The following CAMK4 variants were observed in gnomAD, a reference collection of about 807,000 sequenced individuals.
CAMK4 encodes the protein calcium/calmodulin dependent protein kinase IV.
Under a neutral mutation model 44.9 loss-of-function variants are expected in CAMK4, and 22 were observed. The observed-to-expected ratio is 0.49, with a 90% CI of 0.35 to 0.70. CAMK4 has a LOEUF of 0.70. Ranked by LOEUF, CAMK4 falls within the 30% of genes least tolerant of loss-of-function variation. The pLI, the probability that CAMK4 is intolerant of heterozygous loss-of-function variation, is 0.01. For synonymous variants in CAMK4, 218 were observed against 215.4 expected (o/e 1.01, Z -0.11); for missense variants, 498 against 586.8 (o/e 0.85, Z 1.56).
intron 5 of CAMK4, among the ~76,000 whole-genome samples, chr5:111,433,188 T>C (rs1753523534): frequency 6.6e-6 from 1 of 152,204 alleles, no homozygotes; most frequent in African/African-American, 2.4e-5. Flanking sequence ...ATATATTCTT[T>C]GGGTCAGGAC....
At chr5:111,352,023 A>G (rs768720897) in intron 2 of CAMK4, among the ~76,000 whole-genome samples, 17 of 152,048 alleles carry the variant, frequency 1.1e-4, no homozygotes, top group Non-Finnish European at 1.5e-5. Context: ...TTGTCTCTTC[A>G]TATAAGCGTG....
In CAMK4 at chr5:111,494,841, T is replaced by C. The variant is rs1454282319; in HGVS notation, c.*10375T>C. 6.6e-6 allele frequency: 1 copy of C among 152,146 alleles called. No individual in the cohort carries two copies. Among genetic ancestry groups the C allele is most frequent in the Non-Finnish European group, 1.5e-5 (1 of 68,030 alleles). The allele number at this position is 152,146 out of a possible 1,614,324, so 9.4% of individuals were successfully genotyped here. On this transcript the variant is annotated 3_prime_UTR_variant, in exon 11 of 11. Coordinates refer to ENST00000282356, the MANE Select transcript of CAMK4 (RefSeq NM_001744.6). ...CTTGCTGCTGGGAAATGTAAAGCAG[T>C]TGGCATGTAGAATACGATAATAAAT...
At chr5:111,309,362 T>C (rs1748100912) in intron 1 of CAMK4, among the ~76,000 whole-genome samples, 1 of 152,164 alleles carries the variant, frequency 6.6e-6, no homozygotes, top group African/African-American at 2.4e-5. Flanking sequence ...ATCAAAGATG[T>C]GCATTTGTGG....
intron 7 of CAMK4, among the ~76,000 whole-genome samples, chr5:111,461,712 T>C (rs751273897): frequency 5.4e-5 from 8 of 147,446 alleles, no homozygotes; most frequent in Non-Finnish European, 8.9e-5. Context: ...CCCTCCTCCT[T>C]CCCAGAGGCA....
At chr5:111,449,334 G>C (rs1754148644) in intron 7 of CAMK4, 131 bp downstream of exon 7, 1 of 510,786 alleles carries the variant, frequency 2.0e-6, no homozygotes, top group East Asian at 3.3e-5. Context: ...ATCTCTATGA[G>C]GAAGGCATAC....
chr5:111,393,668 G>C (rs1189825770), intron 4 of CAMK4, among the ~76,000 whole-genome samples: 1 of 152,084 alleles, frequency 6.6e-6, no homozygotes, highest in Non-Finnish European at 1.5e-5. Context: ...TAAGTGATGA[G>C]AATACATGGA....
At chr5:111,406,216 C>CTCTT (rs1183304460) in intron 5 of CAMK4, among the ~76,000 whole-genome samples, 1 of 150,000 alleles carries the variant, frequency 6.7e-6, no homozygotes, top group Non-Finnish European at 1.5e-5. Flanking sequence ...CTCTCTCTCT[C>CTCTT]TCTCTCTCGT....
intron 7 of CAMK4, among the ~76,000 whole-genome samples, chr5:111,472,410 G>T (rs905640906): frequency 2.0e-5 from 3 of 152,154 alleles, no homozygotes; most frequent in Admixed American, 1.3e-4. Context: ...ATCAAGAAAG[G>T]CCACTCTGGA....
rs1368362376 is a variant in CAMK4 at position 111,224,851 on chromosome 5, T to G, written c.161+207T>G. On this transcript the variant is annotated intron_variant, in intron 1 of 10. Transcript: ENST00000282356. This position sits in a 1 kb window ranked among gnomAD's most constrained non-coding sequence, Gnocchi z 5.7. ...CAGAGCGCCTAGGCCGGTGCAGCTGTAGGATCAGCCCGACTCCCTCCCACC... is the reference window on the plus strand; with the variant it reads ...CAGAGCGCCTAGGCCGGTGCAGCTGGAGGATCAGCCCGACTCCCTCCCACC... 6.6e-6 allele frequency among the ~76,000 whole-genome samples: 1 copy of G among 151,986 alleles called. No individual in the cohort carries two copies. Among genetic ancestry groups the G allele is most frequent in the Non-Finnish European group, 1.5e-5 (1 of 67,948 alleles).
chr5:111,431,037 A>G (rs1753422608), intron 5 of CAMK4, among the ~76,000 whole-genome samples: 1 of 152,104 alleles, frequency 6.6e-6, no homozygotes, highest in Non-Finnish European at 1.5e-5. Context: ...AAAAACAAAA[A>G]ACAAAAAAAC....
rs1177151001 is a variant in CAMK4 at position 111,484,481 on chromosome 5, A to T, written c.*15A>T. ...CAGAGTACTAAACAGCTTCCTTCAG[A>T]TCTGGAAGCCAAACACCGGCATTTT... On this transcript the variant is annotated 3_prime_UTR_variant, in exon 11 of 11. Transcript: ENST00000282356. This position sits in a 1 kb window ranked among gnomAD's most constrained non-coding sequence, Gnocchi z 5.3. 4 of 1,472,074 alleles carry T rather than the reference A, an allele frequency of 2.7e-6. No homozygotes were observed. The African/African-American group carries it at 4.2e-5, about 16-fold the overall frequency. 91.2% of individuals were successfully genotyped at this position (1,472,074 alleles called of 1,614,324 possible).
chr5:111,427,182 G>C (rs1326021150), intron 5 of CAMK4, among the ~76,000 whole-genome samples: 1 of 152,118 alleles, frequency 6.6e-6, no homozygotes, highest in Non-Finnish European at 1.5e-5. Context: ...TAGGGCAACA[G>C]TCAGAGTTGT....
intron 1 of CAMK4, among the ~76,000 whole-genome samples, chr5:111,248,732 A>G (rs746946368): frequency 1.8e-4 from 27 of 152,160 alleles, no homozygotes; most frequent in Non-Finnish European, 1.5e-4. Context: ...TCAAACAGAG[A>G]TGAGGTTTGC....
intron 4 of CAMK4, among the ~76,000 whole-genome samples, chr5:111,383,276 C>A (rs1751483123): frequency 6.6e-6 from 1 of 152,108 alleles, no homozygotes; most frequent in African/African-American, 2.4e-5. Flanking sequence ...ACTCTTCTTC[C>A]TCTGAAGCAG....
chr5:111,325,389 T>C (rs1173608248), intron 1 of CAMK4, among the ~76,000 whole-genome samples: 1 of 152,094 alleles, frequency 6.6e-6, no homozygotes, highest in Non-Finnish European at 1.5e-5. Flanking sequence ...GTAGTAGGAT[T>C]GCCGGGTCAA....
chr5:111,353,683 T>C (rs1218960938), intron 2 of CAMK4, among the ~76,000 whole-genome samples: 1 of 152,040 alleles, frequency 6.6e-6, no homozygotes, highest in African/African-American at 2.4e-5. Flanking sequence ...GGTACAAAAA[T>C]AAGTTACATT....
At chr5:111,286,945 T>G (rs1224989294) in intron 1 of CAMK4, among the ~76,000 whole-genome samples, 1 of 152,188 alleles carries the variant, frequency 6.6e-6, no homozygotes, top group Non-Finnish European at 1.5e-5. Flanking sequence ...TTTTTGTAGG[T>G]TTGCTTCTGT....
chr5:111,341,201 G>C (rs1749628869), intron 1 of CAMK4, among the ~76,000 whole-genome samples: 1 of 151,192 alleles, frequency 6.6e-6, no homozygotes, highest in African/African-American at 2.4e-5. Flanking sequence ...ACATTCTTAA[G>C]TGAAGTTCAG....
At chr5:111,377,116 T>C (rs953324028) in intron 4 of CAMK4, among the ~76,000 whole-genome samples, 174 bp downstream of exon 4, 1 of 152,108 alleles carries the variant, frequency 6.6e-6, no homozygotes, top group Non-Finnish European at 1.5e-5. Context: ...TGGTAAGATG[T>C]AGGTACATGA....
Sources: allele counts gnomAD v4.1 joint callset (sites outside exome capture counted in the v4.1 genomes callset), GRCh38; gene constraint gnomAD v4.1.1; non-coding constraint Gnocchi (gnomAD v3.1); transcripts MANE v1.5; gene names NCBI Gene and HGNC (gene_info 2026-07-23, HGNC 2026-07-21).